Variants in TPH2 observed in about 807,000 individuals in gnomAD.
TPH2 encodes tryptophan 5-hydroxylase 2.
In TPH2, 27 loss-of-function variants were observed where a neutral mutation model predicts 59.1. The ratio of observed to expected loss-of-function variants is 0.46; its 90% CI spans 0.34 to 0.63. TPH2 has a LOEUF of 0.63. Ranked by LOEUF, TPH2 falls within the 30% of genes least tolerant of loss-of-function variation. TPH2 has a pLI of 0.01. For missense variants in TPH2, 523 were observed against 588.3 expected (o/e 0.89, Z 1.15); for synonymous variants, 220 against 210.5 (o/e 1.05, Z -0.39).
chr12:71,988,636 T>A (rs1166033504), intron 7 of TPH2, among the ~76,000 whole-genome samples: 2 of 152,112 alleles, frequency 1.3e-5, no homozygotes, highest in Non-Finnish European at 2.9e-5. Context: ...TCCAGTCACC[T>A]CCCACCAGGC....
intron 5 of TPH2, among the ~76,000 whole-genome samples, chr12:71,955,283 A>C (rs1871461540): frequency 6.6e-6 from 1 of 152,170 alleles, no homozygotes; most frequent in Non-Finnish European, 1.5e-5. Flanking sequence ...TGGAGACAAA[A>C]CTATCTCTTC....
intron 7 of TPH2, among the ~76,000 whole-genome samples, chr12:71,988,969 A>G (rs1038240210): frequency 2.0e-5 from 3 of 152,154 alleles, no homozygotes; most frequent in Non-Finnish European, 4.4e-5. Flanking sequence ...TAAGAAAGAC[A>G]ACTATAATAT....
chr12:72,031,825 C>T lies in TPH2; in HGVS notation c.*130C>T. 2 of 1,048,376 alleles carry T rather than the reference C, an allele frequency of 1.9e-6. No homozygotes were observed. Among genetic ancestry groups the T allele is most frequent in the Non-Finnish European group, 1.5e-6 (1 of 680,740 alleles). 64.9% of individuals were successfully genotyped at this position (1,048,376 alleles called of 1,614,324 possible). On this transcript the variant is annotated 3_prime_UTR_variant, in exon 11 of 11. Coordinates refer to ENST00000333850, the MANE Select transcript of TPH2 (RefSeq NM_173353.4). ...AAGCATGCAATTCCATATATCTATA[C>T]CATCTTGTAACTCACTGTGTTAGTA...
chr12:71,985,161 A>G (rs1872395554), intron 7 of TPH2, among the ~76,000 whole-genome samples: 1 of 152,232 alleles, frequency 6.6e-6, no homozygotes, highest in Admixed American at 6.5e-5. Flanking sequence ...AGGAAATAAG[A>G]CACAGAAAGG....
intron 7 of TPH2, among the ~76,000 whole-genome samples, chr12:71,990,188 A>C (rs1037513439): frequency 1.3e-5 from 2 of 152,182 alleles, no homozygotes; most frequent in African/African-American, 4.8e-5. Context: ...ATCTTTTTGG[A>C]GAGATCTGGT....
intron 9 of TPH2, among the ~76,000 whole-genome samples, chr12:72,024,564 C>T (rs116042884): frequency 0.021 from 3,150 of 152,290 alleles, 126 homozygotes; most frequent in African/African-American, 0.072. Context: ...TAGAGTGTTT[C>T]TTGATTTCCC....
chr12:72,008,668 A>C (rs1873019440), intron 8 of TPH2, among the ~76,000 whole-genome samples: 1 of 152,166 alleles, frequency 6.6e-6, no homozygotes, highest in Admixed American at 6.5e-5. Flanking sequence ...GGAGGCTCAG[A>C]CAAATTAAAT....
intron 7 of TPH2, among the ~76,000 whole-genome samples, chr12:71,986,200 T>C (rs969242111): frequency 8.5e-5 from 13 of 152,168 alleles, no homozygotes; most frequent in Non-Finnish European, 1.9e-4. Context: ...GTGTGAGAGA[T>C]GATGAAATAA....
chr12:71,982,751 T>C (rs543265177), intron 7 of TPH2, among the ~76,000 whole-genome samples: 1 of 152,334 alleles, frequency 6.6e-6, no homozygotes, highest in African/African-American at 2.4e-5. Flanking sequence ...TTTCAGTTGC[T>C]GAACTGTTGT....
At chr12:72,012,173 TCAA>T (rs58438005) in intron 8 of TPH2, among the ~76,000 whole-genome samples, 30 of 151,524 alleles carry the variant, frequency 2.0e-4, no homozygotes, top group Admixed American at 7.9e-4. Flanking sequence ...GAGCAGGAAT[TCAA>T]CAACAACAAC....
intron 6 of TPH2, among the ~76,000 whole-genome samples, chr12:71,975,205 C>T (rs1592394331): frequency 6.6e-6 from 1 of 151,912 alleles, no homozygotes; most frequent in East Asian, 1.9e-4. Flanking sequence ...ATTGGCTGGG[C>T]GTGGTGGTGG....
chr12:72,018,040 C>CT (rs752906197), intron 8 of TPH2, among the ~76,000 whole-genome samples: 1 of 152,224 alleles, frequency 6.6e-6, no homozygotes, highest in Non-Finnish European at 1.5e-5. Flanking sequence ...TACCATTTCT[C>CT]TTTATCTCTT....
intron 8 of TPH2, among the ~76,000 whole-genome samples, chr12:72,000,367 T>C (rs909919297): frequency 6.6e-6 from 1 of 152,212 alleles, no homozygotes; most frequent in African/African-American, 2.4e-5. Context: ...CAATAATAAA[T>C]AGGAAGTCAG....
chr12:71,992,210 G>T (rs1438556892), intron 7 of TPH2, among the ~76,000 whole-genome samples: 2 of 152,166 alleles, frequency 1.3e-5, no homozygotes, highest in Non-Finnish European at 2.9e-5. Context: ...CCCCTTTCTT[G>T]CTTACACCAT....
intron 5 of TPH2, among the ~76,000 whole-genome samples, chr12:71,959,872 T>A (rs1412145069): frequency 2.0e-5 from 3 of 152,214 alleles, no homozygotes; most frequent in African/African-American, 4.8e-5. Context: ...GTCACCTTGA[T>A]GAATTGTAGG....
At chr12:71,941,386 T>C (rs1023797230) in intron 1 of TPH2, among the ~76,000 whole-genome samples, 198 bp from the exon 2 acceptor site, 1 of 152,136 alleles carries the variant, frequency 6.6e-6, no homozygotes, top group South Asian at 2.1e-4. Flanking sequence ...TCTTAGACCA[T>C]TGGAAAATAG....
chr12:72,002,827 A>G (rs1872861329), intron 8 of TPH2, among the ~76,000 whole-genome samples: 1 of 151,300 alleles, frequency 6.6e-6, no homozygotes, highest in Non-Finnish European at 1.5e-5. Context: ...ACTTTCCTTG[A>G]TTAAAACAAA....
At chr12:71,982,018 T>TTTTTTTTTTTTTTTTTTC (rs1872296854) in intron 7 of TPH2, among the ~76,000 whole-genome samples, 1 of 125,452 alleles carries the variant, frequency 8.0e-6, no homozygotes, top group African/African-American at 3.1e-5. Flanking sequence ...CATTCGTATT[T>TTTTTTTTTTTTTTTTTTC]TTTTTTTTTT....
chr12:72,014,939 A>G (rs1054381287), intron 8 of TPH2, among the ~76,000 whole-genome samples: 2 of 152,094 alleles, frequency 1.3e-5, no homozygotes, highest in African/African-American at 4.8e-5. Context: ...TTGGTTCCCA[A>G]CGTTGATTTT....
Sources: allele counts gnomAD v4.1 joint callset (sites outside exome capture counted in the v4.1 genomes callset), GRCh38; gene constraint gnomAD v4.1.1; transcripts MANE v1.5; gene names NCBI Gene and HGNC (gene_info 2026-07-23, HGNC 2026-07-21).